BBS4: variants seen among roughly 807,000 people sequenced by gnomAD.
BBS4 encodes Bardet-Biedl syndrome 4.
A neutral mutation model predicts 71.4 loss-of-function variants in BBS4; 58 were observed. That is an observed-to-expected ratio of 0.81 (90% CI 0.66 to 1.01). The LOEUF is 1.01. Among genes scored for constraint, BBS4 ranks in the 50% least tolerant of loss-of-function variants. The probability of loss-of-function intolerance (pLI) is 0.00; values close to 1 mark genes in which losing one functional copy is unlikely to be tolerated. For missense variants in BBS4, 660 were observed against 607.9 expected, an observed-to-expected ratio of 1.09 and a Z score of -0.90; for synonymous variants, 228 against 216.8, an observed-to-expected ratio of 1.05 and a Z score of -0.46.
chr15:72,731,402 C>G lies in BBS4; in HGVS notation c.809C>G (p.Pro270Arg). ...GTGGCTTGTGCTGTTCCAGAAAGTCCTCCACTCTGGAATAACATTGGAATG... is the reference window on the plus strand; with the variant it reads ...GTGGCTTGTGCTGTTCCAGAAAGTCGTCCACTCTGGAATAACATTGGAATG... Reference protein sequence around the residue: ...RVVACAVPESPPLWNNIGMCF... With the variant: ...RVVACAVPESRPLWNNIGMCF... Residue 270 changes from proline to arginine, a missense_variant, in exon 11 of 16, where the codon CCT becomes CGT. Pro to Arg is a moderately radical substitution (Grantham distance 103). Transcript: ENST00000268057. 1 of 1,614,144 alleles carries G rather than the reference C, an allele frequency of 6.2e-7. No individual in the cohort carries two copies.
intron 2 of BBS4, among the ~76,000 whole-genome samples, chr15:72,707,279 A>G (rs1454291321): frequency 6.6e-6 from 1 of 151,072 alleles, no homozygotes; most frequent in Non-Finnish European, 1.5e-5. Flanking sequence ...ACCAGGTTCA[A>G]GTGATTCTGG....
At chr15:72,688,854 T>C (rs1401065807) in intron 1 of BBS4, among the ~76,000 whole-genome samples, 1 of 152,186 alleles carries the variant, frequency 6.6e-6, no homozygotes, top group Admixed American at 6.5e-5. Flanking sequence ...TAAATGCCCA[T>C]TAATAGGGTA....
chr15:72,719,741 C>G (rs558461621), intron 6 of BBS4, among the ~76,000 whole-genome samples: 2 of 139,446 alleles, frequency 1.4e-5, no homozygotes, highest in South Asian at 4.6e-4. Flanking sequence ...ATTCACAAAA[C>G]AGCCATTCTT....
chr15:72,734,878 C>G (rs1029714778), intron 12 of BBS4, among the ~76,000 whole-genome samples: 1 of 152,040 alleles, frequency 6.6e-6, no homozygotes, highest in African/African-American at 2.4e-5. Flanking sequence ...CCTAAAACTA[C>G]TTGGGCCTGA....
Position 72,736,978 on chromosome 15 carries a change from A to G in BBS4, c.1450+15A>G. 6.2e-7 allele frequency: 1 copy of G among 1,613,406 alleles called. No individual in the cohort carries two copies. Among genetic ancestry groups the G allele is most frequent in the Non-Finnish European group, 8.5e-7 (1 of 1,179,588 alleles). ...GCTCCCCTCAGGTAGGACCATACAG[A>G]GCTCCATGAAGACCTGGCAGGTACA... On this transcript the variant is annotated intron_variant, in intron 15 of 15. Transcript: ENST00000268057.
intron 2 of BBS4, among the ~76,000 whole-genome samples, chr15:72,704,225 A>T (rs989031353): frequency 3.9e-5 from 6 of 152,180 alleles, no homozygotes; most frequent in African/African-American, 1.2e-4. Context: ...CCTTGTCTTC[A>T]TCTCGTCAGC....
At chr15:72,713,024 T>C (rs894583098) in intron 4 of BBS4, among the ~76,000 whole-genome samples, 1 of 151,348 alleles carries the variant, frequency 6.6e-6, no homozygotes, top group Non-Finnish European at 1.5e-5. Flanking sequence ...TTCTTTCTTT[T>C]TTTTTTTTGG....
intron 15 of BBS4, 47 bp downstream of exon 15, chr15:72,737,010 A>T: frequency 1.3e-6 from 2 of 1,585,042 alleles, no homozygotes; most frequent in Non-Finnish European, 1.7e-6. Flanking sequence ...TACAAGCCAC[A>T]TGTGTCTGTC....
At chr15:72,718,141 G>A (rs1595930997) in intron 6 of BBS4, among the ~76,000 whole-genome samples, 1 of 152,144 alleles carries the variant, frequency 6.6e-6, no homozygotes, top group South Asian at 2.1e-4. Context: ...GAGACACCAC[G>A]CCTGACCCTC....
chr15:72,737,832 T>A lies in BBS4; in HGVS notation c.*245T>A, dbSNP rs900767622. 18 of 523,312 alleles carry A rather than the reference T, an allele frequency of 3.4e-5. No homozygotes were observed. In the East Asian group the frequency reaches 8.5e-4, roughly 25 times the overall value. 32.4% of individuals were successfully genotyped at this position (523,312 alleles called of 1,614,324 possible). ...AAGAGAACACAGTTCCTTTAAGAACTGGCAGCAAGGCTTGAGGCCTTATGT... is the reference window on the plus strand; with the variant it reads ...AAGAGAACACAGTTCCTTTAAGAACAGGCAGCAAGGCTTGAGGCCTTATGT... On this transcript the variant is annotated 3_prime_UTR_variant, in exon 16 of 16. Coordinates refer to ENST00000268057, the MANE Select transcript of BBS4 (RefSeq NM_033028.5).
chr15:72,715,231 A>G, intron 4 of BBS4, 60 bp from the exon 5 acceptor site: 1 of 1,287,254 alleles, frequency 7.8e-7, no homozygotes. Context: ...TTCTGACCCC[A>G]GGCTCCATTC....
chr15:72,736,673 T>A lies in BBS4; in HGVS notation c.1249-89T>A, dbSNP rs920809811. On this transcript the variant is annotated intron_variant, in intron 14 of 15. Transcript: ENST00000268057. ...TAGTACGACCAGACACTATTTCAGCTAAAACCCCAGCTCGAAGACCAAAGA... is the reference window on the plus strand; with the variant it reads ...TAGTACGACCAGACACTATTTCAGCAAAAACCCCAGCTCGAAGACCAAAGA... The A allele has an allele frequency of 5.4e-6, 7 of 1,300,586 alleles. No homozygotes were observed. In the African/African-American group the frequency reaches 7.3e-5, roughly 14 times the overall value. The allele number at this position is 1,300,586 out of a possible 1,614,324, so 80.6% of individuals were successfully genotyped here.
chr15:72,726,152 C>T (rs1298600289), intron 8 of BBS4, among the ~76,000 whole-genome samples: 2 of 150,968 alleles, frequency 1.3e-5, no homozygotes, highest in East Asian at 3.9e-4. Flanking sequence ...CGCTCTGTCG[C>T]CCAGGGGTGA....
chr15:72,686,226 A>C lies in BBS4; in HGVS notation c.-2A>C. The stretch of plus-strand genomic sequence containing the variant: ...GGCCGCGCAGCGGTGGGCTGAGCTA[A>C]AATGGCTGAGGAGAGAGTCGCGACG... On this transcript the variant is annotated 5_prime_UTR_variant, in exon 1 of 16. Transcript: ENST00000268057. 6.4e-7 allele frequency: 1 copy of C among 1,564,220 alleles called. No individual in the cohort carries two copies. The highest frequency in any genetic ancestry group is 2.4e-5 in the East Asian group (1 of 42,200).
intron 1 of BBS4, among the ~76,000 whole-genome samples, chr15:72,690,804 A>C (rs764420254): frequency 1.3e-5 from 2 of 152,178 alleles, no homozygotes; most frequent in Non-Finnish European, 2.9e-5. Flanking sequence ...TCTGCAGGCT[A>C]TATACGAGTT....
chr15:72,712,155 C>A, intron 3 of BBS4, 89 bp from the exon 4 acceptor site: 1 of 1,219,004 alleles, frequency 8.2e-7, no homozygotes, highest in Non-Finnish European at 1.2e-6. Flanking sequence ...GCATGAGCCA[C>A]CGCACCTGGC....
Position 72,729,674 on chromosome 15 carries a change from C to A in BBS4, c.701C>A (p.Thr234Asn), listed in dbSNP as rs2151044050. ...HLGNALTYDP[T>N]NYKAILAAGS... is the part of the protein sequence containing the mutation. ...GGCAATGCACTGACTTATGACCCTA[C>A]CAACTACAAGGTATTACAGGCTGTG... The change falls in exon 10 of 16, where the codon ACC (threonine) becomes AAC (asparagine). Residue 234 changes from threonine (T) to asparagine (N), a missense_variant. Physicochemically the swap from Thr to Asn is moderately conservative, Grantham distance 65. Transcript: ENST00000268057. The A allele has an allele frequency of 6.2e-7, 1 of 1,614,018 alleles. No individual in the cohort carries two copies. The highest frequency in any genetic ancestry group is 8.5e-7 in the Non-Finnish European group (1 of 1,179,910).
chr15:72,700,902 G>C (rs2151004284), intron 2 of BBS4, among the ~76,000 whole-genome samples: 1 of 152,192 alleles, frequency 6.6e-6, no homozygotes, highest in South Asian at 2.1e-4. Flanking sequence ...TAATATTGCA[G>C]AAATTAATTT....
At chr15:72,736,485 G>A (rs2065927008) in intron 14 of BBS4, among the ~76,000 whole-genome samples, 1 of 151,988 alleles carries the variant, frequency 6.6e-6, no homozygotes, top group Non-Finnish European at 1.5e-5. Flanking sequence ...CGTGATCCAC[G>A]TGCCCAGCCC....
Sources: gnomAD v4.1 joint callset for allele counts (sites outside exome capture counted in the v4.1 genomes callset) on GRCh38, gnomAD v4.1.1 for gene constraint, MANE v1.5 for transcripts, NCBI Gene and HGNC (gene_info 2026-07-23, HGNC 2026-07-21) for gene names.